The following GRK5 variants were observed in gnomAD, a reference collection of about 807,000 sequenced individuals.
GRK5 encodes g protein-coupled receptor kinase GRK5.
A neutral mutation model predicts 78.4 loss-of-function variants in GRK5; 40 were observed. The ratio of observed to expected loss-of-function variants is 0.51; its 90% CI spans 0.40 to 0.66. The LOEUF is 0.66. GRK5 is among the 30% of genes least tolerant of loss of function. GRK5 has a pLI of 0.00. For missense variants in GRK5, 598 were observed against 759.9 expected (o/e 0.79, Z 2.50); for synonymous variants, 289 against 296.8 (o/e 0.97, Z 0.27).
intron 1 of GRK5, among the ~76,000 whole-genome samples, chr10:119,220,948 G>A (rs1181231330): frequency 6.6e-6 from 1 of 152,152 alleles, no homozygotes; most frequent in Non-Finnish European, 1.5e-5. Context: ...GAGGTCAGGA[G>A]TTTGAGAAGA....
At chr10:119,245,276 TA>T (rs1004825695) in intron 1 of GRK5, among the ~76,000 whole-genome samples, 47 of 146,146 alleles carry the variant, frequency 3.2e-4, no homozygotes, top group Admixed American at 7.5e-4. Flanking sequence ...GACTCTTTCT[TA>T]AAAAAAAAAA....
chr10:119,451,217 A>G (rs1853278527), intron 13 of GRK5, among the ~76,000 whole-genome samples: 1 of 151,234 alleles, frequency 6.6e-6, no homozygotes, highest in African/African-American at 2.4e-5. Flanking sequence ...ACTGTGAGTG[A>G]CATCATCTTT....
At chr10:119,240,850 A>G (rs1326714658) in intron 1 of GRK5, among the ~76,000 whole-genome samples, 1 of 152,096 alleles carries the variant, frequency 6.6e-6, no homozygotes, top group Non-Finnish European at 1.5e-5. Flanking sequence ...CCTAGCTTCC[A>G]AGTAGCTAGG....
At chr10:119,363,037 T>G (rs555357357) in intron 2 of GRK5, among the ~76,000 whole-genome samples, 3 of 152,290 alleles carry the variant, frequency 2.0e-5, no homozygotes, top group African/African-American at 7.2e-5. Flanking sequence ...CCCAGCACTT[T>G]GGGAGGCTGA....
intron 1 of GRK5, among the ~76,000 whole-genome samples, chr10:119,220,306 TC>T (rs1189036144): frequency 1.3e-5 from 2 of 152,190 alleles, no homozygotes; most frequent in African/African-American, 4.8e-5. Context: ...CCAGATGTCT[TC>T]CCTTCAGCAG....
chr10:119,210,458 G>A (rs147841385), intron 1 of GRK5, among the ~76,000 whole-genome samples: 404 of 152,196 alleles, frequency 2.7e-3, no homozygotes, highest in African/African-American at 9.3e-3. Context: ...AGAAATTAAA[G>A]CAATTTATGT....
chr10:119,380,850 A>G lies in GRK5; in HGVS notation c.184A>G (p.Ile62Val), dbSNP rs1851698628. 3 of 1,612,796 alleles carry G rather than the reference A, an allele frequency of 1.9e-6. No homozygotes were observed. Among genetic ancestry groups the G allele is most frequent in the African/African-American group, 1.3e-5 (1 of 74,910 alleles). ...CTGCAGTTTATGTGACAAGCAGCCA[A>G]TCGGGAGGCTGCTTTTCCGGCAGTT... Reference protein sequence around the residue: ...DYCSLCDKQPIGRLLFRQFCE... With the variant: ...DYCSLCDKQPVGRLLFRQFCE... The change falls in exon 3 of 16, where the codon ATC becomes GTC. Residue 62 changes from isoleucine (I) to valine (V), a missense_variant. Transcript: ENST00000392870.
At chr10:119,422,116 T>A (rs988757174) in intron 4 of GRK5, among the ~76,000 whole-genome samples, 4 of 151,974 alleles carry the variant, frequency 2.6e-5, no homozygotes, top group African/African-American at 9.7e-5. Flanking sequence ...ATTATCTCTT[T>A]AATTTATTAA....
chr10:119,453,192 T>A lies in GRK5; in HGVS notation c.1590T>A (p.Asn530Lys), dbSNP rs764064972. The part of the protein sequence containing the change: ...CFKELNVFGP[N>K]GTLPPDLNRN... ...AGGAGCTGAACGTGTTTGGACCTAA[T>A]GGTACCCTCCCGCCAGATCTGAACA... The change falls in exon 15 of 16, where the codon AAT becomes AAA. Residue 530 changes from asparagine (N) to lysine (K), a missense_variant. Coordinates refer to ENST00000392870, the MANE Select transcript of GRK5 (RefSeq NM_005308.3). 1.3e-6 allele frequency: 2 copies of A among 1,594,558 alleles called. No individual in the cohort carries two copies. Among genetic ancestry groups the A allele is most frequent in the Non-Finnish European group, 1.7e-6 (2 of 1,162,312 alleles).
chr10:119,300,617 C>T (rs1250711985), intron 1 of GRK5, among the ~76,000 whole-genome samples: 1 of 152,214 alleles, frequency 6.6e-6, no homozygotes, highest in African/African-American at 2.4e-5. Flanking sequence ...TAGGTTCCCC[C>T]TAATCACAGG....
intron 1 of GRK5, among the ~76,000 whole-genome samples, chr10:119,244,002 G>T (rs1406655352): frequency 1.3e-5 from 2 of 152,218 alleles, no homozygotes; most frequent in Non-Finnish European, 2.9e-5. Flanking sequence ...ATGCTCTTCA[G>T]CTTGATCATA....
chr10:119,384,704 GA>G (rs11297190), intron 3 of GRK5, among the ~76,000 whole-genome samples: 65,431 of 152,000 alleles, frequency 0.43, 14,923 homozygotes, highest in Middle Eastern at 0.54. Flanking sequence ...GTGATGCTCA[GA>G]TTGGGCCCAG....
rs1471638238 is a variant in GRK5 at position 119,452,791 on chromosome 10, A to G, written c.1525A>G (p.Ile509Val). Residue 509 changes from isoleucine (I) to valine (V), a missense_variant, in exon 14 of 16, where the codon ATC (isoleucine) becomes GTC (valine). Transcript: ENST00000392870. This position sits in a 1 kb window ranked among gnomAD's most constrained non-coding sequence, Gnocchi z 4.4. Reference protein sequence around the residue: ...YSKFSTGSVSIPWQNEMIETE... With the variant: ...YSKFSTGSVSVPWQNEMIETE... Reference sequence around the variant, plus strand: ...CAAGTTCTCCACGGGCTCTGTGTCCATCCCATGGCAAAACGAGGTGAGCAG... The same window carrying G: ...CAAGTTCTCCACGGGCTCTGTGTCCGTCCCATGGCAAAACGAGGTGAGCAG... The G allele has an allele frequency of 1.3e-6, 2 of 1,585,276 alleles. No individual in the cohort carries two copies. The highest frequency in any genetic ancestry group is 1.7e-6 in the Non-Finnish European group (2 of 1,163,792).
In GRK5 at chr10:119,228,403, T is replaced by A. The variant is rs144658704; in HGVS notation, c.52+20434T>A. On this transcript the variant is annotated intron_variant, in intron 1 of 15. Coordinates refer to ENST00000392870, the MANE Select transcript of GRK5 (RefSeq NM_005308.3). ...CCCCCCCGCAAAAACGTTATGGAGATCTAGTTCGAGACCAGCCTGGGCAAC... is the reference window on the plus strand; with the variant it reads ...CCCCCCCGCAAAAACGTTATGGAGAACTAGTTCGAGACCAGCCTGGGCAAC... Among the ~76,000 whole-genome samples, 413 of 140,142 alleles carry A rather than the reference T, an allele frequency of 2.9e-3. 6 individuals carry two copies. Among genetic ancestry groups the A allele is most frequent in the African/African-American group, 0.01 (389 of 37,058 alleles). 91.9% of individuals were successfully genotyped at this position (140,142 alleles called of 152,430 possible).
intron 1 of GRK5, among the ~76,000 whole-genome samples, chr10:119,211,056 C>G (rs1305028337): frequency 1.5e-5 from 2 of 133,092 alleles, no homozygotes; most frequent in African/African-American, 5.9e-5. Flanking sequence ...AGCAAGCAAG[C>G]TTCATGAACA....
chr10:119,413,843 G>A (rs528392356), intron 4 of GRK5, among the ~76,000 whole-genome samples: 18 of 152,232 alleles, frequency 1.2e-4, no homozygotes, highest in Admixed American at 1.0e-3. Flanking sequence ...TCCCTCAGGC[G>A]CCCACAGCAG....
intron 1 of GRK5, among the ~76,000 whole-genome samples, chr10:119,313,003 T>TGCTGGGGG (rs57998748): frequency 6.7e-6 from 1 of 150,078 alleles, no homozygotes; most frequent in Non-Finnish European, 1.5e-5. Flanking sequence ...GTAATGGTGG[T>TGCTGGGGG]CGTGACGGTG....
At chr10:119,254,448 G>A (rs1849248840) in intron 1 of GRK5, among the ~76,000 whole-genome samples, 1 of 152,146 alleles carries the variant, frequency 6.6e-6, no homozygotes, top group Non-Finnish European at 1.5e-5. Flanking sequence ...TGGGGAACAG[G>A]CAGACCTGGT....
At chr10:119,300,777 A>G (rs777992188) in intron 1 of GRK5, among the ~76,000 whole-genome samples, 101 of 152,268 alleles carry the variant, frequency 6.6e-4, no homozygotes, top group African/African-American at 1.4e-3. Flanking sequence ...CTTTTTATCA[A>G]GTCGTACTGT....
Sources: gnomAD v4.1 joint callset for allele counts (sites outside exome capture counted in the v4.1 genomes callset) on GRCh38, gnomAD v4.1.1 for gene constraint, Gnocchi (gnomAD v3.1) non-coding constraint, MANE v1.5 for transcripts, NCBI Gene and HGNC (gene_info 2026-07-23, HGNC 2026-07-21) for gene names.